Variants in KCTD7 observed in about 807,000 individuals in gnomAD.
KCTD7 encodes potassium channel tetramerization domain containing 7.
KCTD7 carries 15 observed loss-of-function variants against 27.0 expected under a neutral mutation model. The ratio of observed to expected loss-of-function variants is 0.56; its 90% CI spans 0.37 to 0.86. The LOEUF (loss-of-function observed/expected upper bound fraction) is 0.86, where lower values mean the gene tolerates loss of function less well. KCTD7 is among the 40% of genes least tolerant of loss of function. KCTD7 has a pLI of 0.00. For missense variants in KCTD7, 299 were observed against 398.9 expected (o/e 0.75, Z 2.13); for synonymous variants, 159 against 162.7 (o/e 0.98, Z 0.17).
Position 66,640,663 on chromosome 7 carries a change from A to G in KCTD7, c.*1431A>G, listed in dbSNP as rs1324799221. ...CAGGAACATGTCTGTAGTCCCAGCT[A>G]CTTGGGCACACGCCTGTAGTCCAGG... On this transcript the variant is annotated 3_prime_UTR_variant, in exon 4 of 4. Transcript: ENST00000639828. 3.8e-6 allele frequency: 5 copies of G among 1,311,498 alleles called. No individual in the cohort carries two copies. In the African/African-American group the frequency reaches 4.5e-5, roughly 12 times the overall value. The allele number at this position is 1,311,498 out of a possible 1,614,324, so 81.2% of individuals were successfully genotyped here. A position where few individuals can be genotyped will look rare whatever the true frequency, so the allele number is the denominator to read the frequency against.
chr7:66,634,517 T>C (rs1163835971), intron 2 of KCTD7, among the ~76,000 whole-genome samples: 1 of 152,046 alleles, frequency 6.6e-6, no homozygotes, highest in African/African-American at 2.4e-5. Context: ...AGACTACAGG[T>C]GTGCGCCACT....
intron 2 of KCTD7, among the ~76,000 whole-genome samples, chr7:66,633,830 A>T (rs1200440684): frequency 1.3e-5 from 2 of 151,802 alleles, no homozygotes; most frequent in Non-Finnish European, 2.9e-5. Context: ...TCTACTAAAA[A>T]TACAAAAATT....
Position 66,641,435 on chromosome 7 carries a change from G to T in KCTD7, c.*2203G>T. 1.0e-6 allele frequency: 1 copy of T among 985,378 alleles called. No homozygotes were observed. The highest frequency in any genetic ancestry group is 4.7e-5 in the South Asian group (1 of 21,292). The allele number at this position is 985,378 out of a possible 1,614,324, so 61.0% of individuals were successfully genotyped here. ...TCTCCCATGGAGCATGGCAGGGCTT[G>T]GTTATTTAGAGTCCATACATGCAAG... On this transcript the variant is annotated 3_prime_UTR_variant, in exon 4 of 4. Transcript: ENST00000639828.
At position 66,629,193 on chromosome 7, in the gene KCTD7, C is replaced by G; in HGVS notation, c.129C>G (p.Pro43=). 6.7e-7 allele frequency: 1 copy of G among 1,482,058 alleles called. No individual in the cohort carries two copies. The highest frequency in any genetic ancestry group is 9.0e-7 in the Non-Finnish European group (1 of 1,112,904). The allele number at this position is 1,482,058 out of a possible 1,614,324, so 91.8% of individuals were successfully genotyped here. ...PTATQAGHAL[P]LLPQEFPEVV... ...CCACGCAGGCGGGGCACGCGCTGCC[C>G]CTGCTGCCACAGGAGGTACCCGGGC... Residue 43 remains proline (P), a synonymous_variant, in exon 1 of 4, where the codon CCC becomes CCG. Transcript: ENST00000639828.
In KCTD7 at chr7:66,643,015, A is replaced by G; in HGVS notation, c.*3783A>G. On this transcript the variant is annotated 3_prime_UTR_variant, in exon 4 of 4. Transcript: ENST00000639828. ...GTGCTTTGGTGTATTGAGCCTCAGT[A>G]CACTCCAAGGGCATTAAAGTCAAGA... is the stretch of plus-strand genomic sequence containing the variant. The G allele has an allele frequency of 3.0e-6, 3 of 985,454 alleles. No individual in the cohort carries two copies. The highest frequency in any genetic ancestry group is 3.6e-6 in the Non-Finnish European group (3 of 829,964). 61.0% of individuals were successfully genotyped at this position (985,454 alleles called of 1,614,324 possible). A position where few individuals can be genotyped will look rare whatever the true frequency, so the allele number is the denominator to read the frequency against.
Position 66,639,999 on chromosome 7 carries a change from G to T in KCTD7, c.*767G>T. On this transcript the variant is annotated 3_prime_UTR_variant, in exon 4 of 4. Transcript: ENST00000639828. The stretch of plus-strand genomic sequence containing the variant: ...CAGGGCTGGAATGCAAATTTCAGAG[G>T]CTTCTTTTGAAGATTCCCCAAGTCA... 8.0e-7 allele frequency: 1 copy of T among 1,256,846 alleles called. No individual in the cohort carries two copies. The highest frequency in any genetic ancestry group is 1.0e-6 in the Non-Finnish European group (1 of 1,004,148). The allele number at this position is 1,256,846 out of a possible 1,614,324, so 77.9% of individuals were successfully genotyped here.
chr7:66,629,432 C>G (rs1172036298), intron 1 of KCTD7, among the ~76,000 whole-genome samples: 1 of 151,136 alleles, frequency 6.6e-6, no homozygotes, highest in African/African-American at 2.4e-5. Context: ...CTTCCCCACC[C>G]CCTACACCCT....
In KCTD7 at chr7:66,642,840, GA is replaced by G. The variant is rs1410232654; in HGVS notation, c.*3609del. ...GGAAGGATGGGGGTTGGCAGGGGTT[GA>G]GGGAGGTGGGAACAAACAGTGAGTA... On this transcript the variant is annotated 3_prime_UTR_variant, in exon 4 of 4. Coordinates refer to ENST00000639828, the MANE Select transcript of KCTD7 (RefSeq NM_153033.5). The G allele has an allele frequency of 2.0e-6, 2 of 985,324 alleles. No homozygotes were observed. Among genetic ancestry groups the G allele is most frequent in the Non-Finnish European group, 2.4e-6 (2 of 829,968 alleles). The allele number at this position is 985,324 out of a possible 1,614,324, so 61.0% of individuals were successfully genotyped here.
chr7:66,629,033 C>T lies in KCTD7; in HGVS notation c.-32C>T, dbSNP rs368529427. On this transcript the variant is annotated 5_prime_UTR_variant, in exon 1 of 4. Coordinates refer to ENST00000639828, the MANE Select transcript of KCTD7 (RefSeq NM_153033.5). ...CCCGGGGCCGCCGCCTCCGCCCGCC[C>T]GAAGCCGCGCCCACTGCCCAGAGCC... The T allele has an allele frequency of 2.2e-5, 33 of 1,484,190 alleles. No homozygotes were observed. The highest frequency in any genetic ancestry group is 2.9e-5 in the Non-Finnish European group (32 of 1,114,552). The allele number at this position is 1,484,190 out of a possible 1,614,324, so 91.9% of individuals were successfully genotyped here.
chr7:66,637,874 C>T (rs1308408219), intron 2 of KCTD7, among the ~76,000 whole-genome samples: 1 of 152,002 alleles, frequency 6.6e-6, no homozygotes, highest in Non-Finnish European at 1.5e-5. Flanking sequence ...GAATATTTCA[C>T]CTCAATTCTA....
chr7:66,629,301 C>T, intron 1 of KCTD7, 93 bp downstream of exon 1: 1 of 665,274 alleles, frequency 1.5e-6, no homozygotes, highest in Non-Finnish European at 2.0e-6. Context: ...GTGGGCGGGG[C>T]CGGGGTTGGG....
In KCTD7 at chr7:66,640,516, T is replaced by C. The variant is rs941767817; in HGVS notation, c.*1284T>C. On this transcript the variant is annotated 3_prime_UTR_variant, in exon 4 of 4. Coordinates refer to ENST00000639828, the MANE Select transcript of KCTD7 (RefSeq NM_153033.5). ...CTAAAGGAAGAACTGTGTAGCACCA[T>C]TGATCACAATGTAACATTTCCATGC... The C allele has an allele frequency of 6.6e-6, 10 of 1,510,742 alleles. No homozygotes were observed. The East Asian group carries it at 2.2e-4, about 34-fold the overall frequency. The allele number at this position is 1,510,742 out of a possible 1,614,324, so 93.6% of individuals were successfully genotyped here. A position where few individuals can be genotyped will look rare whatever the true frequency, so the allele number is the denominator to read the frequency against.
intron 1 of KCTD7, among the ~76,000 whole-genome samples, chr7:66,631,959 G>A (rs1034298528): frequency 2.0e-5 from 3 of 152,206 alleles, no homozygotes; most frequent in East Asian, 1.9e-4. Context: ...TTGGGGTCTA[G>A]TGGAGTGAAT....
intron 3 of KCTD7, 187 bp from the exon 4 acceptor site, chr7:66,638,669 C>A: frequency 1.2e-6 from 1 of 817,158 alleles, no homozygotes; most frequent in South Asian, 1.7e-5. Flanking sequence ...ATTGGCTTCC[C>A]TTTGCTGTGG....
rs1786666860 is a variant in KCTD7, at chr7:66,639,558, AAG to A, written c.*331_*332del. The A allele has an allele frequency of 7.3e-7, 1 of 1,361,008 alleles. No individual in the cohort carries two copies. Among genetic ancestry groups the A allele is most frequent in the Non-Finnish European group, 9.5e-7 (1 of 1,052,864 alleles). The allele number at this position is 1,361,008 out of a possible 1,614,324, so 84.3% of individuals were successfully genotyped here. ...AGTTTTGTCACCTTCTTGACCTTGC[AAG>A]AGAGTTTCTGCCCATTTTAGAGCCA... is the stretch of plus-strand genomic sequence containing the variant. On this transcript the variant is annotated 3_prime_UTR_variant, in exon 4 of 4. Transcript: ENST00000639828.
rs1786683587 is a variant in KCTD7 at position 66,640,185 on chromosome 7, TG to T, written c.*955del. The T allele has an allele frequency of 7.0e-7, 1 of 1,437,690 alleles. No homozygotes were observed. 89.1% of individuals were successfully genotyped at this position (1,437,690 alleles called of 1,614,324 possible). On this transcript the variant is annotated 3_prime_UTR_variant, in exon 4 of 4. Coordinates refer to ENST00000639828, the MANE Select transcript of KCTD7 (RefSeq NM_153033.5). ...CTCTTTAAACCCTGTTCCTCTGTCCTGGTAACATTCTCCTTCTAGGAGAGCC... is the reference window on the plus strand; with the variant it reads ...CTCTTTAAACCCTGTTCCTCTGTCCTGTAACATTCTCCTTCTAGGAGAGCC...
downstream of KCTD7, chr7:66,643,199 C>T (rs1008157549): frequency 1.0e-6 from 1 of 985,386 alleles, no homozygotes; most frequent in East Asian, 1.1e-4. Flanking sequence ...AGACCAGCAG[C>T]TGAATTTCTG....
At chr7:66,633,556 G>A in intron 2 of KCTD7, 112 bp downstream of exon 2, 1 of 1,028,228 alleles carries the variant, frequency 9.7e-7, no homozygotes, top group East Asian at 2.6e-5. Flanking sequence ...ATAGCATATT[G>A]ATGAAATTTA....
At chr7:66,638,481 G>A in intron 3 of KCTD7, 50 bp downstream of exon 3, 1 of 1,592,860 alleles carries the variant, frequency 6.3e-7, no homozygotes, top group Non-Finnish European at 8.6e-7. Context: ...AGGTCTGCAA[G>A]GCATCTGTGA....
Sources: gnomAD v4.1 joint callset for allele counts (sites outside exome capture counted in the v4.1 genomes callset) on GRCh38, gnomAD v4.1.1 for gene constraint, MANE v1.5 for transcripts, NCBI Gene and HGNC (gene_info 2026-07-23, HGNC 2026-07-21) for gene names.